Variants in ARHGAP24 observed in about 807,000 individuals in gnomAD.
The protein encoded by ARHGAP24 is rho GTPase-activating protein 24.
ARHGAP24 carries 50 observed loss-of-function variants against 76.4 expected under a neutral mutation model. That is an observed-to-expected ratio of 0.65 (90% CI 0.52 to 0.83). The LOEUF (loss-of-function observed/expected upper bound fraction) is 0.83, where lower values mean the gene tolerates loss of function less well. Ranked by LOEUF, ARHGAP24 falls within the 40% of genes least tolerant of loss-of-function variation. ARHGAP24 has a pLI of 0.00. For missense variants in ARHGAP24, 930 were observed against 914.2 expected, an observed-to-expected ratio of 1.02 and a Z score of -0.22; for synonymous variants, 345 against 323.3, an observed-to-expected ratio of 1.07 and a Z score of -0.72.
intron 2 of ARHGAP24, among the ~76,000 whole-genome samples, chr4:85,655,769 A>ATG (rs1722118042): frequency 3.5e-4 from 16 of 45,728 alleles, no homozygotes; most frequent in African/African-American, 2.1e-3. Context: ...GAGACTCCAT[A>ATG]TATATATATA....
At chr4:85,855,835 G>A (rs1291806349) in intron 3 of ARHGAP24, among the ~76,000 whole-genome samples, 3 of 151,538 alleles carry the variant, frequency 2.0e-5, no homozygotes, top group Non-Finnish European at 2.9e-5. Context: ...ATGATAAGAA[G>A]TCCTTCATAC....
rs149282485 is a variant in ARHGAP24 at position 85,773,509 on chromosome 4, A to G, written c.268+51537A>G. ...TGTTAATCCTCTCCTTCTGCATTCA[A>G]ATTGTATTTTGGTTCTATCTCCTCA... On this transcript the variant is annotated intron_variant, in intron 3 of 9. Coordinates refer to ENST00000395184, the MANE Select transcript of ARHGAP24 (RefSeq NM_001025616.3). Among the ~76,000 whole-genome samples the G allele has an allele frequency of 7.4e-3, 1,122 of 152,110 alleles. 12 individuals are homozygous for G. The highest frequency in any genetic ancestry group is 0.026 in the African/African-American group (1,075 of 41,508).
chr4:85,492,023 T>G (rs1331558397), intron 1 of ARHGAP24, among the ~76,000 whole-genome samples: 1 of 151,978 alleles, frequency 6.6e-6, no homozygotes, highest in East Asian at 1.9e-4. Context: ...ATTTTGGTTC[T>G]TTTTATTTCC....
intron 3 of ARHGAP24, among the ~76,000 whole-genome samples, chr4:85,853,225 T>C (rs1188539035): frequency 6.6e-6 from 1 of 152,160 alleles, no homozygotes; most frequent in African/African-American, 2.4e-5. Context: ...GGCAGTTCAA[T>C]CTCAGACTGC....
chr4:85,930,149 T>G, intron 4 of ARHGAP24: 35 of 752,958 alleles, frequency 4.6e-5, no homozygotes, highest in Non-Finnish European at 5.0e-5. Context: ...CAGTTCTCAT[T>G]GAGAAAAGGG....
At chr4:85,827,916 C>G in intron 3 of ARHGAP24, 2 of 1,289,642 alleles carry the variant, frequency 1.6e-6, no homozygotes, top group Non-Finnish European at 2.0e-6. Flanking sequence ...TGCTCTGTCT[C>G]CCAGCTTGCA....
chr4:85,894,658 A>G (rs1212481927), intron 3 of ARHGAP24, among the ~76,000 whole-genome samples: 7 of 152,180 alleles, frequency 4.6e-5, no homozygotes, highest in Non-Finnish European at 8.8e-5. Context: ...AGGCATAAAA[A>G]TGATATAATG....
chr4:85,689,594 A>G (rs13113784), intron 2 of ARHGAP24, among the ~76,000 whole-genome samples: 124,082 of 151,996 alleles, frequency 0.82, 50,921 homozygotes, highest in East Asian at 0.94. Flanking sequence ...TTGCCATGTT[A>G]CCCAGGCTAG....
chr4:85,891,197 A>G (rs1166946129), intron 3 of ARHGAP24, among the ~76,000 whole-genome samples: 1 of 152,148 alleles, frequency 6.6e-6, no homozygotes, highest in Non-Finnish European at 1.5e-5. Flanking sequence ...ACGAGAGTAA[A>G]TTTCAAACAA....
At chr4:85,577,034 A>T (rs1727406175) in intron 2 of ARHGAP24, among the ~76,000 whole-genome samples, 1 of 151,790 alleles carries the variant, frequency 6.6e-6, no homozygotes, top group East Asian at 1.9e-4. Flanking sequence ...GCAATGATAC[A>T]TGGTAAGCAT....
intron 2 of ARHGAP24, among the ~76,000 whole-genome samples, chr4:85,691,558 A>G (rs1335874624): frequency 6.6e-6 from 1 of 152,052 alleles, no homozygotes; most frequent in East Asian, 1.9e-4. Context: ...AGATAGTTAA[A>G]TCTTGTTGGA....
rs192041046 is a variant in ARHGAP24, at chr4:85,811,909, C to T, written c.268+89937C>T. 3.7e-3 allele frequency among the ~76,000 whole-genome samples: 571 copies of T among 152,306 alleles called. 2 individuals are homozygous for T. Among genetic ancestry groups the T allele is most frequent in the African/African-American group, 0.013 (533 of 41,564 alleles). On this transcript the variant is annotated intron_variant, in intron 3 of 9. Coordinates refer to ENST00000395184, the MANE Select transcript of ARHGAP24 (RefSeq NM_001025616.3). ...ATGTGTTTTTGGCTGGGCGTGGTAGCTCACGCCTCTAATCCCAGCAGGTTG... is the reference window on the plus strand; with the variant it reads ...ATGTGTTTTTGGCTGGGCGTGGTAGTTCACGCCTCTAATCCCAGCAGGTTG...
chr4:85,901,858 G>T (rs529070605), intron 3 of ARHGAP24, among the ~76,000 whole-genome samples: 1 of 151,638 alleles, frequency 6.6e-6, no homozygotes, highest in East Asian at 1.9e-4. Context: ...TGCTGAACAT[G>T]CAGGTTTGTT....
intron 1 of ARHGAP24, among the ~76,000 whole-genome samples, chr4:85,519,301 T>C (rs1724646407): frequency 6.6e-6 from 1 of 152,150 alleles, no homozygotes; most frequent in Admixed American, 6.6e-5. Context: ...ATTTACTTTT[T>C]AACACATTTA....
intron 1 of ARHGAP24, among the ~76,000 whole-genome samples, chr4:85,541,977 A>G (rs1725723112): frequency 6.6e-6 from 1 of 152,180 alleles, no homozygotes; most frequent in Non-Finnish European, 1.5e-5. Context: ...ATGCATAAGT[A>G]TTTTAAAATA....
chr4:85,956,572 T>TATAGCTCTATTAGAAGCCGTGGGTC (rs979615718), intron 5 of ARHGAP24, among the ~76,000 whole-genome samples: 1 of 152,148 alleles, frequency 6.6e-6, no homozygotes, highest in Non-Finnish European at 1.5e-5. Context: ...CAGTCAGTGT[T>TATAGCTCTATTAGAAGCCGTGGGTC]ATAGCTCTAT....
chr4:85,521,199 T>C (rs1724732057), intron 1 of ARHGAP24, among the ~76,000 whole-genome samples: 1 of 152,122 alleles, frequency 6.6e-6, no homozygotes, highest in African/African-American at 2.4e-5. Context: ...ACTCTTGAAA[T>C]AGCATGTTGT....
chr4:85,792,378 C>A (rs879889902), intron 3 of ARHGAP24, among the ~76,000 whole-genome samples: 6 of 152,034 alleles, frequency 3.9e-5, no homozygotes, highest in East Asian at 1.9e-4. Context: ...AAAAGCCAAG[C>A]CACACATGTT....
chr4:85,877,717 T>A (rs1733022741), intron 3 of ARHGAP24, among the ~76,000 whole-genome samples: 1 of 145,820 alleles, frequency 6.9e-6, no homozygotes. Flanking sequence ...ATTCTAAAAG[T>A]TTTGTGTTTA....
Sources: gnomAD v4.1 joint callset for allele counts (sites outside exome capture counted in the v4.1 genomes callset) on GRCh38, gnomAD v4.1.1 for gene constraint, MANE v1.5 for transcripts, NCBI Gene and HGNC (gene_info 2026-07-23, HGNC 2026-07-21) for gene names.